DDX24: variants seen among roughly 807,000 people sequenced by gnomAD.
The protein encoded by DDX24 is DEAD-box helicase 24, also known as ATP-dependent RNA helicase DDX24.
Under a neutral mutation model 68.9 loss-of-function variants are expected in DDX24, and 24 were observed. The observed-to-expected ratio is 0.35, with a 90% CI of 0.25 to 0.49. DDX24 has a LOEUF of 0.49. DDX24 is among the 20% of genes least tolerant of loss of function. The probability of loss-of-function intolerance (pLI) is 0.99; values close to 1 mark genes in which losing one functional copy is unlikely to be tolerated. For synonymous variants in DDX24, 395 were observed against 385.2 expected (o/e 1.03, Z -0.30); for missense variants, 989 against 1,039.0 (o/e 0.95, Z 0.66).
At chr14:94,069,492 C>A (rs1178287897) in intron 2 of DDX24, among the ~76,000 whole-genome samples, 2 of 152,090 alleles carry the variant, frequency 1.3e-5, no homozygotes, top group African/African-American at 4.8e-5. Context: ...AAAGAAGGAA[C>A]CCTCCCTAAT....
chr14:94,069,384 C>T (rs112602266), intron 2 of DDX24, among the ~76,000 whole-genome samples: 1 of 151,602 alleles, frequency 6.6e-6, no homozygotes, highest in Non-Finnish European at 1.5e-5. Flanking sequence ...AAATTACCAA[C>T]AAAAAAAAGT....
At chr14:94,070,832 C>T (rs188475520) in intron 2 of DDX24, among the ~76,000 whole-genome samples, 1 of 152,272 alleles carries the variant, frequency 6.6e-6, no homozygotes, top group Admixed American at 6.5e-5. Context: ...ACTGGATCCT[C>T]ATCTCTCACC....
chr14:94,072,487 A>G (rs1267754896), intron 2 of DDX24, among the ~76,000 whole-genome samples: 1 of 152,166 alleles, frequency 6.6e-6, no homozygotes, highest in Non-Finnish European at 1.5e-5. Context: ...AAATACTACA[A>G]ATATGGTGTA....
At chr14:94,052,880 G>C in intron 8 of DDX24, 118 bp downstream of exon 8, 2 of 1,400,708 alleles carry the variant, frequency 1.4e-6, no homozygotes, top group East Asian at 2.4e-5. Context: ...TTAGCAAAGA[G>C]GGGGAAGGAC....
intron 2 of DDX24, among the ~76,000 whole-genome samples, chr14:94,077,522 T>C (rs1885967645): frequency 6.6e-6 from 1 of 152,238 alleles, no homozygotes; most frequent in South Asian, 2.1e-4. Context: ...TGTGTAATTT[T>C]AGGGAAGCTG....
At position 94,066,852 on chromosome 14, in the gene DDX24, C is replaced by T. The variant is rs190109608; in HGVS notation, c.719-4231G>A. Among the ~76,000 whole-genome samples, 337 of 152,330 alleles carry T rather than the reference C, an allele frequency of 2.2e-3. 2 individuals carry two copies. Among genetic ancestry groups the T allele is most frequent in the Middle Eastern group, 0.017 (5 of 294 alleles). On this transcript the variant is annotated intron_variant, in intron 2 of 8. Coordinates refer to ENST00000621632, the MANE Select transcript of DDX24 (RefSeq NM_020414.4). ...CTGAACAACAGCCTTCAGCCCTAGACCTTCCCTCTGAAACAGCCTACCCAA... is the reference window on the plus strand; with the variant it reads ...CTGAACAACAGCCTTCAGCCCTAGATCTTCCCTCTGAAACAGCCTACCCAA...
rs577821770 is a variant in DDX24 at position 94,060,813 on chromosome 14, T to C, written c.1397+100A>G. Reference sequence around the variant, plus strand: ...CCAGGGTCTGGATGATACCACACCATAGCATTCTGCGATGAGAAGAAGGCA... The same window carrying C: ...CCAGGGTCTGGATGATACCACACCACAGCATTCTGCGATGAGAAGAAGGCA... On this transcript the variant is annotated intron_variant, in intron 4 of 8. Coordinates refer to ENST00000621632, the MANE Select transcript of DDX24 (RefSeq NM_020414.4). 163 of 1,534,514 alleles carry C rather than the reference T, an allele frequency of 1.1e-4. 2 individuals carry two copies. In the African/African-American group the frequency reaches 1.5e-3, roughly 14 times the overall value.
At chr14:94,077,043 A>T (rs1885956767) in intron 2 of DDX24, among the ~76,000 whole-genome samples, 1 of 152,244 alleles carries the variant, frequency 6.6e-6, no homozygotes, top group Non-Finnish European at 1.5e-5. Context: ...TTTCTTAATA[A>T]CATTTTTTCT....
chr14:94,069,624 C>T (rs1257522459), intron 2 of DDX24, among the ~76,000 whole-genome samples: 1 of 152,192 alleles, frequency 6.6e-6, no homozygotes, highest in Non-Finnish European at 1.5e-5. Flanking sequence ...AAAATACTAG[C>T]TAACCAAATC....
At chr14:94,063,831 A>T (rs752407529) in intron 2 of DDX24, among the ~76,000 whole-genome samples, 10 of 152,210 alleles carry the variant, frequency 6.6e-5, no homozygotes, top group Non-Finnish European at 1.3e-4. Context: ...TGAGCATGGG[A>T]GTTTGAGGCT....
intron 2 of DDX24, among the ~76,000 whole-genome samples, chr14:94,076,553 T>C (rs1374347626): frequency 6.6e-6 from 1 of 151,818 alleles, no homozygotes; most frequent in Non-Finnish European, 1.5e-5. Flanking sequence ...TGGTGGCAAG[T>C]GCCTGTAATC....
intron 6 of DDX24, 98 bp downstream of exon 6, chr14:94,057,724 C>G: frequency 8.5e-7 from 1 of 1,170,014 alleles, no homozygotes; most frequent in South Asian, 1.5e-5. Flanking sequence ...GATGCAAGAG[C>G]CTTGGAACCA....
intron 2 of DDX24, among the ~76,000 whole-genome samples, chr14:94,076,344 C>G (rs7158774): frequency 0.32 from 48,365 of 151,920 alleles, 7,871 homozygotes; most frequent in Admixed American, 0.39. Flanking sequence ...CAGATACCAC[C>G]CCCTCCAGTA....
rs182003776 is a variant in DDX24, at chr14:94,072,057, G to T, written c.718+6968C>A. On this transcript the variant is annotated intron_variant, in intron 2 of 8. Transcript: ENST00000621632. ...GAAAACAGCGTGGAGATTCCTTAAA[G>T]AACTAAAAGTAGAACTACCATTTGA... Among the ~76,000 whole-genome samples the T allele has an allele frequency of 2.6e-5, 4 of 152,274 alleles. No individual in the cohort carries two copies. In the East Asian group the frequency reaches 5.8e-4, roughly 22 times the overall value.
In DDX24 at chr14:94,049,303, C is replaced by G. The variant is rs1347201029; in HGVS notation, c.*1888G>C. On this transcript the variant is annotated 3_prime_UTR_variant, in exon 9 of 9. Coordinates refer to ENST00000621632, the MANE Select transcript of DDX24 (RefSeq NM_020414.4). ...GGGATATTAAGCCCGCTTACTAACCCCACTGACCACCACTGCATCATTTGG... is the reference window on the plus strand; with the variant it reads ...GGGATATTAAGCCCGCTTACTAACCGCACTGACCACCACTGCATCATTTGG... 1 of 152,226 alleles carries G rather than the reference C, an allele frequency of 6.6e-6. No individual in the cohort carries two copies. The highest frequency in any genetic ancestry group is 1.5e-5 in the Non-Finnish European group (1 of 68,044). 9.4% of individuals were successfully genotyped at this position (152,226 alleles called of 1,614,324 possible).
chr14:94,053,763 A>G (rs1265500555), intron 7 of DDX24, among the ~76,000 whole-genome samples: 2 of 152,186 alleles, frequency 1.3e-5, no homozygotes, highest in African/African-American at 4.8e-5. Context: ...GTGGTGAGCC[A>G]AGATTGTGCC....
intron 2 of DDX24, among the ~76,000 whole-genome samples, chr14:94,068,906 A>G (rs1595378279): frequency 1.3e-5 from 2 of 152,336 alleles, no homozygotes; most frequent in Non-Finnish European, 2.9e-5. Flanking sequence ...CTACATCGAA[A>G]AGTCTGAAAG....
chr14:94,052,926 G>C (rs1047278512), intron 8 of DDX24, 72 bp downstream of exon 8: 1 of 1,548,816 alleles, frequency 6.5e-7, no homozygotes, highest in African/African-American at 1.4e-5. Flanking sequence ...CAGTAGTAGA[G>C]ATGGTTCCAA....
At chr14:94,060,044 T>C in intron 5 of DDX24, 54 bp downstream of exon 5, 4 of 1,543,292 alleles carry the variant, frequency 2.6e-6, no homozygotes, top group Non-Finnish European at 2.6e-6. Context: ...TCCTGACCCC[T>C]TTTACCCCAG....
Sources: allele counts gnomAD v4.1 joint callset (sites outside exome capture counted in the v4.1 genomes callset), GRCh38; gene constraint gnomAD v4.1.1; transcripts MANE v1.5; gene names NCBI Gene and HGNC (gene_info 2026-07-23, HGNC 2026-07-21).